SLC12A7: variants seen among roughly 807,000 people sequenced by gnomAD.
SLC12A7 encodes K-Cl cotransporter 4.
Under a neutral mutation model 120.6 loss-of-function variants are expected in SLC12A7, and 100 were observed. The observed-to-expected ratio is 0.83, with a 90% CI of 0.71 to 0.98. SLC12A7 has a LOEUF of 0.98. SLC12A7 is among the 50% of genes least tolerant of loss of function. The pLI is 0.00. For missense variants in SLC12A7, 1,373 were observed against 1,548.1 expected, an observed-to-expected ratio of 0.89 and a Z score of 1.90; for synonymous variants, 760 against 678.0, an observed-to-expected ratio of 1.12 and a Z score of -1.88.
At chr5:1,055,258 GACAC>G (rs1170202599) in intron 22 of SLC12A7, among the ~76,000 whole-genome samples, 1 of 152,238 alleles carries the variant, frequency 6.6e-6, no homozygotes. Flanking sequence ...AATGCGTGCA[GACAC>G]ACTAACATGT....
intron 1 of SLC12A7, among the ~76,000 whole-genome samples, chr5:1,110,985 G>A (rs950114457): frequency 6.6e-6 from 1 of 152,200 alleles, no homozygotes; most frequent in South Asian, 2.1e-4. Flanking sequence ...CTTGTCCCTG[G>A]ACAGACCTCA....
At position 1,067,145 on chromosome 5, in the gene SLC12A7, C is replaced by T. The variant is rs151252571; in HGVS notation, c.2242-1667G>A. Among the ~76,000 whole-genome samples, 902 of 152,340 alleles carry T rather than the reference C, an allele frequency of 5.9e-3. 8 individuals are homozygous for T. The highest frequency in any genetic ancestry group is 0.034 in the Middle Eastern group (10 of 294). On this transcript the variant is annotated intron_variant, in intron 17 of 23. Coordinates refer to ENST00000264930, the MANE Select transcript of SLC12A7 (RefSeq NM_006598.3). ...TTACCCTGCTCTCCAGACACCTCCA[C>T]CTTCTGCCCAGCTGCCCGGGCGCAA...
chr5:1,080,959 A>C (rs1015714918), intron 9 of SLC12A7, among the ~76,000 whole-genome samples: 1 of 151,718 alleles, frequency 6.6e-6, no homozygotes, highest in Non-Finnish European at 1.5e-5. Flanking sequence ...CAGGCAAGAT[A>C]AGCAGGGGCA....
At chr5:1,155,495 G>A in the SLC12A7 span, among the ~76,000 whole-genome samples, 1 of 152,066 alleles carries the variant, frequency 6.6e-6, no homozygotes, top group African/African-American at 2.4e-5. Flanking sequence ...TCCCCGCAGG[G>A]AACTGCCCCA....
intron 3 of SLC12A7, among the ~76,000 whole-genome samples, chr5:1,090,594 C>A (rs373668914): frequency 6.6e-6 from 1 of 152,324 alleles, no homozygotes; most frequent in East Asian, 1.9e-4. Flanking sequence ...GACAGCAAGG[C>A]TCCAGGGACA....
At position 1,075,506 on chromosome 5, in the gene SLC12A7, G is replaced by C. The variant is rs745966718; in HGVS notation, c.1848-16C>G. 1.2e-5 allele frequency: 20 copies of C among 1,606,200 alleles called. No homozygotes were observed. The highest frequency in any genetic ancestry group is 1.7e-5 in the Non-Finnish European group (20 of 1,175,254). ...GGACAGGGTCCTGGGGGCGGGGCAA[G>C]TGGCTCGGGGCGGCCCAACGCCATG... is the stretch of plus-strand genomic sequence containing the variant. On this transcript the variant is annotated splice_polypyrimidine_tract_variant and intron_variant, in intron 14 of 23. Coordinates refer to ENST00000264930, the MANE Select transcript of SLC12A7 (RefSeq NM_006598.3).
At chr5:1,059,715 C>T (rs1257948018) in intron 21 of SLC12A7, among the ~76,000 whole-genome samples, 4 of 146,460 alleles carry the variant, frequency 2.7e-5, no homozygotes, top group African/African-American at 1.0e-4. Flanking sequence ...CCGCTGCAGC[C>T]AGGCGGCCAG....
the SLC12A7 span, among the ~76,000 whole-genome samples, chr5:1,117,263 C>T: frequency 1.3e-5 from 2 of 151,992 alleles, no homozygotes; most frequent in African/African-American, 2.4e-5. This position sits in a 1 kb window ranked among gnomAD's most constrained non-coding sequence, Gnocchi z 4.5. Flanking sequence ...CCTACCAGCC[C>T]GAGATGGAGC....
upstream of SLC12A7, chr5:1,112,068 G>A (rs952574113): frequency 8.4e-7 from 1 of 1,194,694 alleles, no homozygotes; most frequent in Non-Finnish European, 1.0e-6. Flanking sequence ...GGGACTTGGA[G>A]GCAGGGGCGG....
At chr5:1,052,775 G>C (rs1250188986) in intron 23 of SLC12A7, among the ~76,000 whole-genome samples, 1 of 152,188 alleles carries the variant, frequency 6.6e-6, no homozygotes, top group Non-Finnish European at 1.5e-5. Flanking sequence ...CAGCCTACAG[G>C]GGACCTGGGC....
chr5:1,059,850 G>GT (rs1561032473), intron 21 of SLC12A7, among the ~76,000 whole-genome samples: 1 of 101,164 alleles, frequency 9.9e-6, no homozygotes, highest in African/African-American at 3.4e-5. Flanking sequence ...TTGGTCTTAG[G>GT]ACAGAAATCT....
At chr5:1,130,474 C>T in the SLC12A7 span, among the ~76,000 whole-genome samples, 1 of 151,836 alleles carries the variant, frequency 6.6e-6, no homozygotes, top group Admixed American at 6.5e-5. Flanking sequence ...CCAGGAGAGG[C>T]CACCTGGGGC....
At chr5:1,099,438 C>T (rs989694194) in intron 1 of SLC12A7, among the ~76,000 whole-genome samples, 15 of 140,664 alleles carry the variant, frequency 1.1e-4, no homozygotes, top group African/African-American at 4.6e-4. Context: ...ATCAACCCAG[C>T]CCCGACCCAG....
chr5:1,153,270 AGGTG>A, the SLC12A7 span, among the ~76,000 whole-genome samples: 4 of 152,328 alleles, frequency 2.6e-5, no homozygotes, highest in African/African-American at 9.6e-5. Flanking sequence ...AGAGGAGATG[AGGTG>A]GGTGGGGGAA....
chr5:1,129,180 G>A, the SLC12A7 span, among the ~76,000 whole-genome samples: 2 of 152,292 alleles, frequency 1.3e-5, no homozygotes, highest in Non-Finnish European at 2.9e-5. Context: ...CTAGACACAC[G>A]AGGACACCCC....
intron 16 of SLC12A7, among the ~76,000 whole-genome samples, 175 bp downstream of exon 16, chr5:1,074,392 C>G (rs938460881): frequency 2.4e-4 from 36 of 152,184 alleles, no homozygotes; most frequent in African/African-American, 8.4e-4. Flanking sequence ...AGCAGGGACA[C>G]CCCCGGCCCC....
chr5:1,088,737 G>A (rs999757419), intron 4 of SLC12A7, among the ~76,000 whole-genome samples: 4 of 152,318 alleles, frequency 2.6e-5, no homozygotes, highest in South Asian at 2.1e-4. Flanking sequence ...GTGCCAGCAC[G>A]CCAGTCAACA....
intron 1 of SLC12A7, among the ~76,000 whole-genome samples, chr5:1,108,121 TAC>T (rs1742677572): frequency 1.3e-5 from 2 of 152,204 alleles, no homozygotes; most frequent in Admixed American, 1.3e-4. Context: ...TGTGCACATA[TAC>T]ACAGTGCAAG....
In SLC12A7 at chr5:1,050,711, C is replaced by T. The variant is rs1734950927; in HGVS notation, c.*1649G>A. On this transcript the variant is annotated 3_prime_UTR_variant, in exon 24 of 24. Transcript: ENST00000264930. ...GCAGGGGACACAGGACCTGCCGGCC[C>T]CATCCAGACATGGAGGAGCGTTTTG... 1 of 396,190 alleles carries T rather than the reference C, an allele frequency of 2.5e-6. No homozygotes were observed. Among genetic ancestry groups the T allele is most frequent in the Non-Finnish European group, 4.4e-6 (1 of 225,126 alleles). The allele number at this position is 396,190 out of a possible 1,614,324, so 24.5% of individuals were successfully genotyped here.
Sources: allele counts gnomAD v4.1 joint callset (sites outside exome capture counted in the v4.1 genomes callset), GRCh38; gene constraint gnomAD v4.1.1; non-coding constraint Gnocchi (gnomAD v3.1); transcripts MANE v1.5; gene names NCBI Gene and HGNC (gene_info 2026-07-23, HGNC 2026-07-21).